Variants in DRICH1 observed in about 807,000 individuals in gnomAD.
The protein encoded by DRICH1 is aspartate-rich protein 1.
Under a neutral mutation model 39.5 loss-of-function variants are expected in DRICH1, and 38 were observed. That is an observed-to-expected ratio of 0.96 (90% CI 0.74 to 1.26). The LOEUF is 1.26. DRICH1 is among the 50% of genes most tolerant of loss of function. The pLI, the probability that DRICH1 is intolerant of heterozygous loss-of-function variation, is 0.00. For synonymous variants in DRICH1, 84 were observed against 99.5 expected, an observed-to-expected ratio of 0.84 and a Z score of 0.93; for missense variants, 279 against 270.4, an observed-to-expected ratio of 1.03 and a Z score of -0.22.
the DRICH1 span, among the ~76,000 whole-genome samples, chr22:23,589,089 G>GACACACACACACAC: frequency 7.0e-6 from 1 of 143,824 alleles, no homozygotes; most frequent in African/African-American, 2.5e-5. Flanking sequence ...TCTCCCAGCT[G>GACACACACACACAC]ACACACACAC....
chr22:23,631,956 C>T lies in DRICH1; in HGVS notation c.68G>A (p.Cys23Tyr), dbSNP rs1920992667. The T allele has an allele frequency of 1.2e-6, 2 of 1,613,778 alleles. No individual in the cohort carries two copies. Among genetic ancestry groups the T allele is most frequent in the Non-Finnish European group, 1.7e-6 (2 of 1,180,024 alleles). ...ATAAATATCAGTATCAGATTCATAA[C>T]AGGGTGCGTCCTTCCCCCTGGGCCA... ...CGWPRGKDAP[C>Y]YESDTDIYET... Residue 23 changes from cysteine to tyrosine, a missense_variant, in exon 1 of 12, where the codon TGT becomes TAT. Transcript: ENST00000317749.
At chr22:23,619,748 C>T (rs1927603058) in intron 5 of DRICH1, among the ~76,000 whole-genome samples, 1 of 152,232 alleles carries the variant, frequency 6.6e-6, no homozygotes, top group African/African-American at 2.4e-5. Context: ...CTTCTCCCTC[C>T]ATTTCCAAGA....
At chr22:23,601,148 A>G in the DRICH1 span, among the ~76,000 whole-genome samples, 5,480 of 135,542 alleles carry the variant, frequency 0.04, 176 homozygotes, top group African/African-American at 0.1. Context: ...GCACGCGCGC[A>G]CACACACACA....
chr22:23,612,880 A>T (rs1927123487), intron 11 of DRICH1, among the ~76,000 whole-genome samples: 1 of 152,204 alleles, frequency 6.6e-6, no homozygotes, highest in Admixed American at 6.5e-5. Context: ...GGCACACAGC[A>T]CAAGGACTGT....
At chr22:23,602,968 T>C in the DRICH1 span, among the ~76,000 whole-genome samples, 3 of 152,050 alleles carry the variant, frequency 2.0e-5, no homozygotes, top group African/African-American at 7.2e-5. Context: ...CATTCGACAT[T>C]TAGGCTGTTT....
chr22:23,613,633 A>G lies in DRICH1; in HGVS notation c.643+6T>C. 6.2e-7 allele frequency: 1 copy of G among 1,602,974 alleles called. No homozygotes were observed. The highest frequency in any genetic ancestry group is 1.3e-5 in the African/African-American group (1 of 74,806). On this transcript the variant is annotated splice_donor_region_variant and intron_variant, in intron 10 of 11. Coordinates refer to ENST00000317749, the MANE Select transcript of DRICH1 (RefSeq NM_016449.4). ...CTCAGGAAGTGAGTTATCTCATGGT[A>G]CATACCACTTTCTATCCGAGCTGTT... is the stretch of plus-strand genomic sequence containing the variant.
At position 23,608,515 on chromosome 22, in the gene DRICH1, C is replaced by T. The variant is rs553506774; in HGVS notation, c.*249G>A. 27 of 527,150 alleles carry T rather than the reference C, an allele frequency of 5.1e-5. 1 individual carries two copies. Among genetic ancestry groups the T allele is most frequent in the South Asian group, 2.1e-4 (7 of 32,896 alleles). 32.7% of individuals were successfully genotyped at this position (527,150 alleles called of 1,614,324 possible). A position where few individuals can be genotyped will look rare whatever the true frequency, so the allele number is the denominator to read the frequency against. On this transcript the variant is annotated 3_prime_UTR_variant, in exon 12 of 12. Coordinates refer to ENST00000317749, the MANE Select transcript of DRICH1 (RefSeq NM_016449.4). ...ACTTTCTGCTCGTGGAGCACAGTCA[C>T]GTCTCTTCTCACTCTCTTGCCAAAG... is the stretch of plus-strand genomic sequence containing the variant.
the DRICH1 span, among the ~76,000 whole-genome samples, chr22:23,598,941 C>T: frequency 3.3e-5 from 5 of 152,236 alleles, no homozygotes; most frequent in South Asian, 2.1e-4. Context: ...AGTCAGGACA[C>T]CCCTGAGCTA....
intron 8 of DRICH1, among the ~76,000 whole-genome samples, chr22:23,615,189 C>T (rs1292333131): frequency 6.6e-6 from 1 of 152,128 alleles, no homozygotes; most frequent in East Asian, 1.9e-4. Context: ...GCCTGGCCAA[C>T]ATGGTAAAAC....
Position 23,613,272 on chromosome 22 carries a change from G to A in DRICH1, c.685+17C>T, listed in dbSNP as rs1250192546. 1 of 1,608,806 alleles carries A rather than the reference G, an allele frequency of 6.2e-7. No homozygotes were observed. The highest frequency in any genetic ancestry group is 8.5e-7 in the Non-Finnish European group (1 of 1,176,446). ...AACCTTTTCCCATTGGGTTTTTGCT[G>A]GCACGTAGTTCCCTACCTGGATGAA... On this transcript the variant is annotated intron_variant, in intron 11 of 11. Coordinates refer to ENST00000317749, the MANE Select transcript of DRICH1 (RefSeq NM_016449.4).
Position 23,620,626 on chromosome 22 carries a change from A to G in DRICH1, c.385-11T>C. On this transcript the variant is annotated splice_polypyrimidine_tract_variant and intron_variant, in intron 4 of 11. Transcript: ENST00000317749. ...ACGTGACGGTAAAATCTGCAACGAG[A>G]CAAAAGAAGATGCTATGAGGATCAG... 1 of 1,613,782 alleles carries G rather than the reference A, an allele frequency of 6.2e-7. No individual in the cohort carries two copies. The highest frequency in any genetic ancestry group is 8.5e-7 in the Non-Finnish European group (1 of 1,179,680).
chr22:23,601,722 C>T, the DRICH1 span, among the ~76,000 whole-genome samples: 553 of 150,872 alleles, frequency 3.7e-3, no homozygotes, highest in African/African-American at 0.013. Flanking sequence ...TACCTGGGAT[C>T]CCTCTGTATG....
chr22:23,618,405 C>T (rs1485785340), intron 6 of DRICH1, among the ~76,000 whole-genome samples: 2 of 151,908 alleles, frequency 1.3e-5, no homozygotes, highest in African/African-American at 2.4e-5. Flanking sequence ...TGAGCCACCG[C>T]ACCCAGCTGA....
At chr22:23,587,247 C>T in the DRICH1 span, among the ~76,000 whole-genome samples, 4 of 152,260 alleles carry the variant, frequency 2.6e-5, no homozygotes, top group South Asian at 8.3e-4. Context: ...GTCAGAGAGC[C>T]ATCCTGTGGG....
At position 23,619,602 on chromosome 22, in the gene DRICH1, C is replaced by G. The variant is rs5996584; in HGVS notation, c.407-209G>C. ...GAGCCCAGAATTAAATGCACACATA[C>G]AGAGTCAGCTGATCTTCAACAAAGT... is the stretch of plus-strand genomic sequence containing the variant. On this transcript the variant is annotated intron_variant, in intron 5 of 11. Transcript: ENST00000317749. 1.1e-3 allele frequency among the ~76,000 whole-genome samples: 163 copies of G among 152,324 alleles called. 1 individual carries two copies. The highest frequency in any genetic ancestry group is 3.8e-3 in the African/African-American group (156 of 41,578).
At position 23,608,485 on chromosome 22, in the gene DRICH1, A is replaced by C; in HGVS notation, c.*279T>G. The C allele has an allele frequency of 4.0e-6, 2 of 501,588 alleles. No homozygotes were observed. The highest frequency in any genetic ancestry group is 5.9e-5 in the East Asian group (2 of 33,816). 31.1% of individuals were successfully genotyped at this position (501,588 alleles called of 1,614,324 possible). A position where few individuals can be genotyped will look rare whatever the true frequency, so the allele number is the denominator to read the frequency against. On this transcript the variant is annotated 3_prime_UTR_variant, in exon 12 of 12. Coordinates refer to ENST00000317749, the MANE Select transcript of DRICH1 (RefSeq NM_016449.4). ...CTCAGTCTCTTTATTTCAAGTGGGA[A>C]TGGCACTTTCTGCTCGTGGAGCACA...
chr22:23,611,632 C>A (rs1472520670), intron 11 of DRICH1, among the ~76,000 whole-genome samples: 3 of 152,094 alleles, frequency 2.0e-5, no homozygotes, highest in Admixed American at 2.0e-4. Context: ...ACCTCGTAAT[C>A]CGCCCACCTT....
At chr22:23,591,916 A>G in the DRICH1 span, among the ~76,000 whole-genome samples, 6 of 151,944 alleles carry the variant, frequency 3.9e-5, no homozygotes, top group Non-Finnish European at 7.4e-5. Flanking sequence ...CCCAGAATAC[A>G]GCACAGGGCT....
chr22:23,627,032 G>GCAACATAA (rs1928105279), intron 1 of DRICH1, among the ~76,000 whole-genome samples: 1 of 151,640 alleles, frequency 6.6e-6, no homozygotes, highest in Non-Finnish European at 1.5e-5. Context: ...TAAGGCTGAT[G>GCAACATAA]GGCCATTGCA....
Sources: allele counts gnomAD v4.1 joint callset (sites outside exome capture counted in the v4.1 genomes callset), GRCh38; gene constraint gnomAD v4.1.1; transcripts MANE v1.5; gene names NCBI Gene and HGNC (gene_info 2026-07-23, HGNC 2026-07-21).